Variants in IRS1 observed in about 807,000 individuals in gnomAD.
IRS1 encodes the protein insulin receptor substrate 1.
A neutral mutation model predicts 65.6 loss-of-function variants in IRS1; 34 were observed. The ratio of observed to expected loss-of-function variants is 0.52; its 90% CI spans 0.39 to 0.69. The LOEUF (loss-of-function observed/expected upper bound fraction) is 0.69. Ranked by LOEUF, IRS1 falls within the 30% of genes least tolerant of loss-of-function variation. The pLI, the probability that IRS1 is intolerant of heterozygous loss-of-function variation, is 0.00. For synonymous variants in IRS1, 699 were observed against 683.5 expected (o/e 1.02, Z -0.35); for missense variants, 1,641 against 1,720.2 (o/e 0.95, Z 0.81).
In IRS1 at chr2:226,797,039, C is replaced by G; in HGVS notation, c.1700G>C (p.Arg567Pro). ...GGCGGAGTGCCTGTGTCCCGGCAGTCGGCCTCCACTGCCACCTCCTGGTGG... is the reference window on the plus strand; with the variant it reads ...GGCGGAGTGCCTGTGTCCCGGCAGTGGGCCTCCACTGCCACCTCCTGGTGG... ...AYPPGGGSGG[R>P]LPGHRHSAFV... The change falls in exon 1 of 2, where the codon CGA (arginine) becomes CCA (proline). Residue 567 changes from arginine to proline, a missense_variant. Around this residue, in one of 3 missense-constraint regions of IRS1, gnomAD observed 1,324 missense variants for 1,361.0 expected, o/e 0.97. Transcript: ENST00000305123. The surrounding 1 kb of genome is among the most constrained non-coding windows in gnomAD (Gnocchi z 8.1). The G allele has an allele frequency of 6.2e-7, 1 of 1,607,568 alleles. No individual in the cohort carries two copies. Among genetic ancestry groups the G allele is most frequent in the South Asian group, 1.1e-5 (1 of 90,736 alleles).
At chr2:226,785,584 CAG>C (rs1436616015) in intron 1 of IRS1, among the ~76,000 whole-genome samples, 9 of 152,188 alleles carry the variant, frequency 5.9e-5, no homozygotes, top group African/African-American at 2.2e-4. Context: ...GCCTGGGTGA[CAG>C]AGTGAGACTC....
chr2:226,738,252 G>A (rs773713012), intron 1 of IRS1, among the ~76,000 whole-genome samples: 9 of 152,120 alleles, frequency 5.9e-5, no homozygotes, highest in Admixed American at 1.3e-4. Context: ...AAGCAATTGC[G>A]GTTTTTGCCA....
chr2:226,760,368 A>G (rs1280874719), intron 1 of IRS1, among the ~76,000 whole-genome samples: 1 of 152,220 alleles, frequency 6.6e-6, no homozygotes, highest in East Asian at 1.9e-4. Context: ...CGGCATCAAG[A>G]ATCTCATTCT....
Position 226,797,839 on chromosome 2 carries a change from G to A in IRS1, c.900C>T (p.Thr300=), listed in dbSNP as rs1488092322. The part of the protein sequence containing the change: ...NNPPPSQVGL[T]RRSRTESITA... ...TGATGCTCTCAGTGCGTGATCGGCGGGTCAGCCCCACCTGGCTGGGCGGGG... is the reference window on the plus strand; with the variant it reads ...TGATGCTCTCAGTGCGTGATCGGCGAGTCAGCCCCACCTGGCTGGGCGGGG... The change falls in exon 1 of 2, where the codon ACC becomes ACT. Residue 300 remains threonine, a synonymous_variant. Coordinates refer to ENST00000305123, the MANE Select transcript of IRS1 (RefSeq NM_005544.3). The surrounding 1 kb of genome is among the most constrained non-coding windows in gnomAD (Gnocchi z 8.1). The A allele has an allele frequency of 3.1e-6, 5 of 1,601,046 alleles. No individual in the cohort carries two copies. In the Middle Eastern group the frequency reaches 5.0e-4, roughly 160 times the overall value.
intron 1 of IRS1, among the ~76,000 whole-genome samples, chr2:226,783,487 C>T (rs868352932): frequency 4.6e-5 from 7 of 152,192 alleles, no homozygotes; most frequent in Middle Eastern, 6.8e-3. Context: ...CAGGGACACA[C>T]GTATTTCAGT....
At chr2:226,737,664 A>C (rs998161672) in intron 1 of IRS1, among the ~76,000 whole-genome samples, 2 of 152,222 alleles carry the variant, frequency 1.3e-5, no homozygotes, top group Admixed American at 1.3e-4. Context: ...AGTACATGCC[A>C]AGATACATGC....
intron 1 of IRS1, among the ~76,000 whole-genome samples, chr2:226,748,493 T>C (rs1938604310): frequency 6.6e-6 from 1 of 150,508 alleles, no homozygotes; most frequent in Non-Finnish European, 1.5e-5. Flanking sequence ...TGTTCCAGAA[T>C]TAGTAGACTT....
At position 226,796,679 on chromosome 2, in the gene IRS1, T is replaced by TTGCTGCTGC. The variant is rs138975702; in HGVS notation, c.2051_2059dup (p.Ser684_Ser686dup). 6 of 1,610,456 alleles carry TTGCTGCTGC rather than the reference T, an allele frequency of 3.7e-6. No homozygotes were observed. Among genetic ancestry groups the TTGCTGCTGC allele is most frequent in the South Asian group, 3.3e-5 (3 of 90,746 alleles). On this transcript the variant is annotated inframe_insertion, in exon 1 of 2. Transcript: ENST00000305123. ...ATAGCTGGTCCCGGAAGGGACGGCG[T>TTGCTGCTGC]TGCTGCTGCTGCTGCTGCTGCTGGG...
intron 1 of IRS1, among the ~76,000 whole-genome samples, chr2:226,781,837 C>T (rs192930248): frequency 3.1e-4 from 47 of 150,802 alleles, no homozygotes; most frequent in Admixed American, 1.5e-3. Context: ...GCAGTTTCCA[C>T]TCCCTTGCCC....
chr2:226,790,116 T>A (rs1215366069), intron 1 of IRS1, among the ~76,000 whole-genome samples: 1 of 152,154 alleles, frequency 6.6e-6, no homozygotes, highest in Non-Finnish European at 1.5e-5. Flanking sequence ...AACATTCCTA[T>A]GTTTAGAGCT....
At chr2:226,756,991 A>T (rs1276688523) in intron 1 of IRS1, among the ~76,000 whole-genome samples, 3 of 151,430 alleles carry the variant, frequency 2.0e-5, no homozygotes, top group Admixed American at 6.6e-5. Flanking sequence ...ATAAATAAAT[A>T]AATAAATAAA....
intron 1 of IRS1, among the ~76,000 whole-genome samples, chr2:226,775,004 A>G (rs146299029): frequency 6.6e-6 from 1 of 152,328 alleles, no homozygotes; most frequent in Non-Finnish European, 1.5e-5. Flanking sequence ...ACTGCATGAT[A>G]CTGTAATGGT....
At chr2:226,772,218 C>T (rs1939179726) in intron 1 of IRS1, among the ~76,000 whole-genome samples, 1 of 152,162 alleles carries the variant, frequency 6.6e-6, no homozygotes, top group South Asian at 2.1e-4. Flanking sequence ...TGGGATATAA[C>T]TCAAACCATG....
Position 226,795,630 on chromosome 2 carries a change from A to C in IRS1, c.3109T>G (p.Ser1037Ala), listed in dbSNP as rs539361581. ...GTCGGGGAAGCAGAGGCTGCTGAGGATGAGGAGGCAGCAGCCATGGTGGCC... is the reference window on the plus strand; with the variant it reads ...GTCGGGGAAGCAGAGGCTGCTGAGGCTGAGGAGGCAGCAGCCATGGTGGCC... ...PRATMAAASS[S>A]SAASASPTGP... Residue 1037 changes from serine (S) to alanine (A), a missense_variant, in exon 1 of 2, where the codon TCC becomes GCC. This residue lies in a region of IRS1 where 1,324 missense variants were observed against 1,361.0 expected (regional missense o/e 0.97). Coordinates refer to ENST00000305123, the MANE Select transcript of IRS1 (RefSeq NM_005544.3). The C allele has an allele frequency of 1.2e-5, 20 of 1,612,692 alleles. No homozygotes were observed. The highest frequency in any genetic ancestry group is 1.4e-5 in the Non-Finnish European group (17 of 1,179,824).
chr2:226,753,837 A>G (rs2106163723), intron 1 of IRS1, among the ~76,000 whole-genome samples: 1 of 150,304 alleles, frequency 6.7e-6, no homozygotes, highest in African/African-American at 2.5e-5. Flanking sequence ...TTTAAAACTC[A>G]GCACTGATTG....
intron 1 of IRS1, among the ~76,000 whole-genome samples, chr2:226,740,797 T>G (rs979775064): frequency 6.6e-6 from 1 of 152,178 alleles, no homozygotes; most frequent in Non-Finnish European, 1.5e-5. Flanking sequence ...CATACTAAAT[T>G]GTTAGAAAGT....
intron 1 of IRS1, among the ~76,000 whole-genome samples, chr2:226,791,619 G>A (rs1301114284): frequency 2.6e-5 from 4 of 151,956 alleles, no homozygotes; most frequent in South Asian, 2.1e-4. Context: ...CAGGGTGGCA[G>A]AAAGCGGCCC....
intron 1 of IRS1, among the ~76,000 whole-genome samples, chr2:226,740,994 G>A (rs1938423675): frequency 2.0e-5 from 3 of 151,630 alleles, no homozygotes; most frequent in Non-Finnish European, 4.4e-5. Flanking sequence ...ACAGCTGTGT[G>A]CTTTTTAAAA....
chr2:226,736,546 T>C (rs1938329887), intron 1 of IRS1, among the ~76,000 whole-genome samples: 1 of 152,204 alleles, frequency 6.6e-6, no homozygotes, highest in Non-Finnish European at 1.5e-5. Flanking sequence ...TCTTTGGTGT[T>C]GTGATTGAAG....
Sources: allele counts gnomAD v4.1 joint callset (sites outside exome capture counted in the v4.1 genomes callset), GRCh38; gene constraint gnomAD v4.1.1; regional missense constraint gnomAD v4.1.1; non-coding constraint Gnocchi (gnomAD v3.1); transcripts MANE v1.5; gene names NCBI Gene and HGNC (gene_info 2026-07-23, HGNC 2026-07-21).